The following HIVEP3 variants were observed in gnomAD, a reference collection of about 807,000 sequenced individuals.
The protein encoded by HIVEP3 is HIVEP zinc finger 3, also known as transcription factor HIVEP3.
Under a neutral mutation model 152.8 loss-of-function variants are expected in HIVEP3, and 49 were observed. The ratio of observed to expected loss-of-function variants is 0.32; its 90% confidence interval spans 0.26 to 0.41. HIVEP3 has a LOEUF of 0.41. HIVEP3 is among the 10% of genes least tolerant of loss of function. The probability of loss-of-function intolerance (pLI) is 1.00; values close to 1 mark genes in which losing one functional copy is unlikely to be tolerated. For synonymous variants in HIVEP3, 1,269 were observed against 1,289.0 expected (o/e 0.98, Z 0.33); for missense variants, 2,790 against 3,103.3 (o/e 0.90, Z 2.40).
intron 1 of HIVEP3, among the ~76,000 whole-genome samples, chr1:41,787,850 A>C (rs560557543): frequency 6.6e-6 from 1 of 152,224 alleles, no homozygotes; most frequent in East Asian, 1.9e-4. Flanking sequence ...GGTAATTTTC[A>C]AGGGGGAGGG....
chr1:41,521,234 C>A (rs901924233), intron 6 of HIVEP3, among the ~76,000 whole-genome samples: 1 of 152,194 alleles, frequency 6.6e-6, no homozygotes, highest in Non-Finnish European at 1.5e-5. Flanking sequence ...AGAGAACAGA[C>A]CCCTGTCCCC....
At chr1:41,900,777 T>C (rs577722489) in intron 1 of HIVEP3, among the ~76,000 whole-genome samples, 3 of 152,074 alleles carry the variant, frequency 2.0e-5, no homozygotes, top group South Asian at 2.1e-4. Flanking sequence ...AGGCCATAAC[T>C]GGGAATGAAT....
At chr1:41,877,098 TG>T (rs1644182459) in intron 1 of HIVEP3, among the ~76,000 whole-genome samples, 1 of 152,336 alleles carries the variant, frequency 6.6e-6, no homozygotes, top group South Asian at 2.1e-4. Context: ...CTTTCTTTTT[TG>T]GTTAATAATA....
chr1:41,758,572 C>T (rs558284811), intron 1 of HIVEP3, among the ~76,000 whole-genome samples: 1 of 152,290 alleles, frequency 6.6e-6, no homozygotes, highest in South Asian at 2.1e-4. Flanking sequence ...TCTCTGGGGA[C>T]CAGAACCCAA....
chr1:41,529,863 A>T (rs1643190148), intron 5 of HIVEP3, among the ~76,000 whole-genome samples: 1 of 119,872 alleles, frequency 8.3e-6, no homozygotes, highest in South Asian at 2.8e-4. Context: ...AGTCACACTT[A>T]CATCCTCACA....
intron 1 of HIVEP3, among the ~76,000 whole-genome samples, chr1:41,967,887 C>T (rs1570853192): frequency 6.6e-6 from 1 of 152,240 alleles, no homozygotes; most frequent in Non-Finnish European, 1.5e-5. Flanking sequence ...AAAATACAAA[C>T]AACTATCAGA....
At chr1:41,718,328 G>A (rs976086586) in intron 1 of HIVEP3, among the ~76,000 whole-genome samples, 1 of 152,214 alleles carries the variant, frequency 6.6e-6, no homozygotes, top group South Asian at 2.1e-4. Flanking sequence ...TGTACCCTAC[G>A]CTTGCTATGT....
intron 1 of HIVEP3, among the ~76,000 whole-genome samples, chr1:42,034,451 T>C (rs1454976089): frequency 2.0e-5 from 3 of 152,194 alleles, no homozygotes; most frequent in Non-Finnish European, 2.9e-5. Context: ...AGAAACACTA[T>C]TAAAATGAAT....
chr1:41,638,514 C>T (rs1273808903), intron 2 of HIVEP3, among the ~76,000 whole-genome samples: 4 of 152,164 alleles, frequency 2.6e-5, no homozygotes, highest in African/African-American at 7.2e-5. Context: ...CTAAACTGTA[C>T]ATTTAAAAAT....
At chr1:41,805,904 C>A (rs1650576457) in intron 1 of HIVEP3, among the ~76,000 whole-genome samples, 2 of 152,114 alleles carry the variant, frequency 1.3e-5, no homozygotes, top group Non-Finnish European at 2.9e-5. Context: ...TGTACACGTG[C>A]ACGCACACAC....
chr1:41,760,673 C>G (rs754706562), intron 1 of HIVEP3, among the ~76,000 whole-genome samples: 2 of 152,188 alleles, frequency 1.3e-5, no homozygotes, highest in African/African-American at 4.8e-5. Flanking sequence ...AGTACAGGGC[C>G]CTGGGGCTTG....
chr1:41,740,674 T>C (rs1479381563), intron 1 of HIVEP3, among the ~76,000 whole-genome samples: 1 of 152,188 alleles, frequency 6.6e-6, no homozygotes, highest in Non-Finnish European at 1.5e-5. Context: ...CCTCCTTCAC[T>C]CATCCTGACA....
intron 1 of HIVEP3, among the ~76,000 whole-genome samples, chr1:41,790,787 TC>T (rs1649645291): frequency 6.6e-6 from 1 of 152,052 alleles, no homozygotes; most frequent in Admixed American, 6.5e-5. Flanking sequence ...TGTGGCCCCT[TC>T]CCATCAAGCC....
chr1:41,847,363 TATAAG>T (rs1643472072), intron 1 of HIVEP3: 1 of 152,214 alleles, frequency 6.6e-6, no homozygotes. Flanking sequence ...AAGTTGTTCA[TATAAG>T]ATATTAAGTG....
chr1:41,805,094 T>C (rs1650523362), intron 1 of HIVEP3, among the ~76,000 whole-genome samples: 1 of 152,198 alleles, frequency 6.6e-6, no homozygotes, highest in African/African-American at 2.4e-5. Flanking sequence ...CTCAGCACTT[T>C]GGGAGGCTGA....
In HIVEP3 at chr1:41,511,203, GTC is replaced by G; in HGVS notation, c.6467_6468del (p.Arg2156ProfsTer7). ...TGGAAGTCATGGAGGGCGGAGAAGG[GTC>G]GGGAGGAGAGAGGATGAGCAGGGCC... Reference protein sequence around the residue: ...SPGPAHPLSSRPFSALHDFHG... With the variant: ...SPGPAHPLSSXPFSALHDFHG... On this transcript the variant is annotated frameshift_variant, in exon 9 of 9. Coordinates refer to ENST00000372583, the MANE Select transcript of HIVEP3 (RefSeq NM_024503.5). LOFTEE classifies it high-confidence loss of function. This position sits in a 1 kb window ranked among gnomAD's most constrained non-coding sequence, Gnocchi z 4.9. 6.2e-7 allele frequency: 1 copy of G among 1,613,998 alleles called. No homozygotes were observed. The highest frequency in any genetic ancestry group is 8.5e-7 in the Non-Finnish European group (1 of 1,179,992).
intron 1 of HIVEP3, among the ~76,000 whole-genome samples, chr1:41,743,401 C>G (rs1030132242): frequency 3.9e-5 from 6 of 152,194 alleles, no homozygotes; most frequent in African/African-American, 1.4e-4. Flanking sequence ...GCACTTAGGA[C>G]AGAGCCTGAC....
At chr1:41,603,129 C>T (rs1295389183) in intron 3 of HIVEP3, among the ~76,000 whole-genome samples, 2 of 151,568 alleles carry the variant, frequency 1.3e-5, no homozygotes, top group African/African-American at 2.4e-5. Context: ...TGTAGCGGCG[C>T]GATCTCTGCT....
At chr1:41,720,304 C>T (rs1354699197) in intron 1 of HIVEP3, among the ~76,000 whole-genome samples, 2 of 152,148 alleles carry the variant, frequency 1.3e-5, no homozygotes, top group African/African-American at 2.4e-5. Flanking sequence ...AAGGGAGATC[C>T]TATAATTTTC....
Sources: gnomAD v4.1 joint callset for allele counts (sites outside exome capture counted in the v4.1 genomes callset) on GRCh38, gnomAD v4.1.1 for gene constraint, Gnocchi (gnomAD v3.1) non-coding constraint, MANE v1.5 for transcripts, NCBI Gene and HGNC (gene_info 2026-07-23, HGNC 2026-07-21) for gene names.